ZNF148: variants seen among roughly 807,000 people sequenced by gnomAD.
ZNF148 encodes the protein Beta-Enolase Repressor Factor-1.
ZNF148 carries 7 observed loss-of-function variants against 67.7 expected under a neutral mutation model. The ratio of observed to expected loss-of-function variants is 0.10; its 90% CI spans 0.06 to 0.19. The LOEUF is 0.19. ZNF148 is among the 10% of genes least tolerant of loss of function. The probability of loss-of-function intolerance (pLI) is 1.00; values close to 1 mark genes in which losing one functional copy is unlikely to be tolerated. For missense variants in ZNF148, 583 were observed against 947.1 expected (o/e 0.62, Z 5.05); for synonymous variants, 333 against 330.7 (o/e 1.01, Z -0.08).
At chr3:125,340,987 CAAA>C (rs934719609) in intron 1 of ZNF148, among the ~76,000 whole-genome samples, 224 of 12,084 alleles carry the variant, frequency 0.019, no homozygotes, top group African/African-American at 0.058. Flanking sequence ...GACTCCGGCT[CAAA>C]AAAAAAAAAA....
chr3:125,317,943 T>C (rs1196116491), intron 3 of ZNF148, among the ~76,000 whole-genome samples: 1 of 151,994 alleles, frequency 6.6e-6, no homozygotes, highest in African/African-American at 2.4e-5. Context: ...TTTTAAAATA[T>C]GTTTCAAAGA....
rs369220108 is a variant in ZNF148, at chr3:125,229,265, C to T, written c.*3076G>A. 4.7e-5 allele frequency: 7 copies of T among 148,532 alleles called. No homozygotes were observed. In the East Asian group the frequency reaches 5.9e-4, roughly 13 times the overall value. 9.2% of individuals were successfully genotyped at this position (148,532 alleles called of 1,614,324 possible). On this transcript the variant is annotated 3_prime_UTR_variant, in exon 9 of 9. Coordinates refer to ENST00000360647, the MANE Select transcript of ZNF148 (RefSeq NM_021964.3). Reference sequence around the variant, plus strand: ...CAAATTAATCAAATGAAAGAAGCGGCAAAAGATCTAACCTAGCTGGCACTC... The same window carrying T: ...CAAATTAATCAAATGAAAGAAGCGGTAAAAGATCTAACCTAGCTGGCACTC...
rs1935744587 is a variant in ZNF148, at chr3:125,229,001, A to G, written c.*3340T>C. ...AACACGGTTTTTATTTGCAGAATATAGCAAAACAACTGGAAAATTATTTCC... is the reference window on the plus strand; with the variant it reads ...AACACGGTTTTTATTTGCAGAATATGGCAAAACAACTGGAAAATTATTTCC... On this transcript the variant is annotated 3_prime_UTR_variant, in exon 9 of 9. Transcript: ENST00000360647. 6.6e-6 allele frequency: 1 copy of G among 152,598 alleles called. No individual in the cohort carries two copies. The highest frequency in any genetic ancestry group is 6.6e-5 in the Admixed American group (1 of 15,252). 9.5% of individuals were successfully genotyped at this position (152,598 alleles called of 1,614,324 possible).
chr3:125,303,915 C>A (rs185042236), intron 4 of ZNF148, among the ~76,000 whole-genome samples: 2 of 152,104 alleles, frequency 1.3e-5, no homozygotes, highest in Non-Finnish European at 2.9e-5. Flanking sequence ...TTGATTTTGA[C>A]ATTGCAGTGT....
chr3:125,283,988 G>C (rs1579702396), intron 5 of ZNF148, among the ~76,000 whole-genome samples: 1 of 152,038 alleles, frequency 6.6e-6, no homozygotes, highest in Non-Finnish European at 1.5e-5. Context: ...AGTACCTGAT[G>C]AGAGATCCTG....
Position 125,231,682 on chromosome 3 carries a change from A to G in ZNF148, c.*659T>C, listed in dbSNP as rs1233654602. 6.6e-6 allele frequency: 1 copy of G among 152,608 alleles called. No homozygotes were observed. The highest frequency in any genetic ancestry group is 2.4e-5 in the African/African-American group (1 of 41,460). The allele number at this position is 152,608 out of a possible 1,614,324, so 9.5% of individuals were successfully genotyped here. A position where few individuals can be genotyped will look rare whatever the true frequency, so the allele number is the denominator to read the frequency against. ...TTGTGTGTTTTGGTAAAAGTTCTGAAAGTATGCATATTTTTAAAGTAATTA... is the reference window on the plus strand; with the variant it reads ...TTGTGTGTTTTGGTAAAAGTTCTGAGAGTATGCATATTTTTAAAGTAATTA... On this transcript the variant is annotated 3_prime_UTR_variant, in exon 9 of 9. Transcript: ENST00000360647.
chr3:125,334,614 A>G (rs1388312626), intron 1 of ZNF148, among the ~76,000 whole-genome samples: 1 of 152,184 alleles, frequency 6.6e-6, no homozygotes, highest in Admixed American at 6.5e-5. Flanking sequence ...AAATCACTTA[A>G]TCAAAACAAC....
chr3:125,358,455 C>T (rs1189257521), intron 1 of ZNF148, among the ~76,000 whole-genome samples: 1 of 152,190 alleles, frequency 6.6e-6, no homozygotes, highest in Non-Finnish European at 1.5e-5. Flanking sequence ...TCAAACACTG[C>T]GTTTTTCTTG....
intron 7 of ZNF148, among the ~76,000 whole-genome samples, chr3:125,251,159 CAT>C (rs1936824116): frequency 6.6e-6 from 1 of 152,182 alleles, no homozygotes; most frequent in Admixed American, 6.6e-5. Flanking sequence ...AACCAGCACT[CAT>C]AATCAAGAAA....
At position 125,261,111 on chromosome 3, in the gene ZNF148, T is replaced by C. The variant is rs147617823; in HGVS notation, c.667+16615A>G. 3.9e-3 allele frequency among the ~76,000 whole-genome samples: 597 copies of C among 152,266 alleles called. 10 individuals carry two copies. The highest frequency in any genetic ancestry group is 0.012 in the South Asian group (58 of 4,816). ...GCTTTTAAAAGGGCCACAAAGTAAA[T>C]ATTTTAGGCTTTCAGGGGCCATATG... On this transcript the variant is annotated intron_variant, in intron 7 of 8. Coordinates refer to ENST00000360647, the MANE Select transcript of ZNF148 (RefSeq NM_021964.3).
intron 1 of ZNF148, among the ~76,000 whole-genome samples, chr3:125,364,586 G>C (rs1942645699): frequency 6.6e-6 from 1 of 152,186 alleles, no homozygotes; most frequent in Non-Finnish European, 1.5e-5. Flanking sequence ...CAGAAATTGG[G>C]TTCCACTTAT....
At chr3:125,322,208 T>C (rs1940811694) in intron 3 of ZNF148, among the ~76,000 whole-genome samples, 1 of 151,792 alleles carries the variant, frequency 6.6e-6, no homozygotes, top group Non-Finnish European at 1.5e-5. Context: ...TTTTTTTGTA[T>C]GTAGAGACAG....
At position 125,331,250 on chromosome 3, in the gene ZNF148, C is replaced by T. The variant is rs1941278564; in HGVS notation, c.-233-12G>A. 1 of 398,368 alleles carries T rather than the reference C, an allele frequency of 2.5e-6. No homozygotes were observed. The highest frequency in any genetic ancestry group is 4.4e-6 in the Non-Finnish European group (1 of 226,020). 24.7% of individuals were successfully genotyped at this position (398,368 alleles called of 1,614,324 possible). ...TTCCTCCCTCTATCCTACAAAAGTACACAAATACAGGTTAACCCCCAAAAG... is the reference window on the plus strand; with the variant it reads ...TTCCTCCCTCTATCCTACAAAAGTATACAAATACAGGTTAACCCCCAAAAG... On this transcript the variant is annotated splice_polypyrimidine_tract_variant and intron_variant, in intron 1 of 8. Transcript: ENST00000360647.
chr3:125,367,442 TTA>T (rs1240242169), intron 1 of ZNF148, among the ~76,000 whole-genome samples: 1 of 152,226 alleles, frequency 6.6e-6, no homozygotes, highest in Non-Finnish European at 1.5e-5. Context: ...TCTATATTCT[TTA>T]AACAGATTTT....
chr3:125,235,518 A>T (rs1262788731), intron 7 of ZNF148, among the ~76,000 whole-genome samples: 1 of 152,088 alleles, frequency 6.6e-6, no homozygotes, highest in Non-Finnish European at 1.5e-5. Context: ...CCTTTGGGAT[A>T]CTCTGTCCTT....
chr3:125,301,041 T>G (rs1490005293), intron 4 of ZNF148, among the ~76,000 whole-genome samples: 5 of 152,238 alleles, frequency 3.3e-5, no homozygotes, highest in African/African-American at 1.2e-4. Flanking sequence ...TATTTTGAAA[T>G]GATGAAAATA....
At chr3:125,283,953 T>C (rs1938524777) in intron 5 of ZNF148, among the ~76,000 whole-genome samples, 1 of 152,136 alleles carries the variant, frequency 6.6e-6, no homozygotes, top group Non-Finnish European at 1.5e-5. Context: ...CCTAAAGTGT[T>C]ACAACAAACC....
chr3:125,369,600 C>G (rs374317700), intron 1 of ZNF148, among the ~76,000 whole-genome samples: 1 of 151,580 alleles, frequency 6.6e-6, no homozygotes, highest in African/African-American at 2.4e-5. Context: ...AAATGACCAC[C>G]GAAATATAAA....
intron 5 of ZNF148, among the ~76,000 whole-genome samples, chr3:125,284,051 T>C (rs532562958): frequency 6.6e-6 from 1 of 152,148 alleles, no homozygotes; most frequent in Non-Finnish European, 1.5e-5. Flanking sequence ...GAGAGATACA[T>C]TTCAGAATAA....
Sources: gnomAD v4.1 joint callset for allele counts (sites outside exome capture counted in the v4.1 genomes callset) on GRCh38, gnomAD v4.1.1 for gene constraint, MANE v1.5 for transcripts, NCBI Gene and HGNC (gene_info 2026-07-23, HGNC 2026-07-21) for gene names.